Variants in JAZF1 observed in about 807,000 individuals in gnomAD.
The protein encoded by JAZF1 is JAZF zinc finger 1.
Under a neutral mutation model 26.4 loss-of-function variants are expected in JAZF1, and 8 were observed. The ratio of observed to expected loss-of-function variants is 0.30; its 90% CI spans 0.18 to 0.55. The LOEUF is 0.55. JAZF1 is among the 20% of genes least tolerant of loss of function. JAZF1 has a pLI of 0.94. For missense variants in JAZF1, 199 were observed against 322.0 expected, an observed-to-expected ratio of 0.62 and a Z score of 2.92; for synonymous variants, 126 against 122.3, an observed-to-expected ratio of 1.03 and a Z score of -0.20.
chr7:28,153,614 T>C (rs982204777), intron 1 of JAZF1, among the ~76,000 whole-genome samples: 2 of 152,246 alleles, frequency 1.3e-5, no homozygotes, highest in African/African-American at 2.4e-5. Flanking sequence ...AACAAACCTA[T>C]TCCCTCTTTC....
chr7:28,004,533 G>T (rs1238728750), intron 1 of JAZF1, among the ~76,000 whole-genome samples: 5 of 152,158 alleles, frequency 3.3e-5, no homozygotes, highest in Non-Finnish European at 5.9e-5. Flanking sequence ...GGTTGGGAAA[G>T]TTATTTACAC....
In JAZF1 at chr7:28,134,705, A is replaced by G. The variant is rs540271363; in HGVS notation, c.115+45758T>C. Among the ~76,000 whole-genome samples the G allele has an allele frequency of 4.6e-4, 70 of 152,246 alleles. No individual in the cohort carries two copies. The South Asian group carries it at 5.2e-3, about 11-fold the overall frequency. Reference sequence around the variant, plus strand: ...CAGGCCATCAATTAGAACCCAGTCTAAGTGATATATTTATTTTTTTTTACA... The same window carrying G: ...CAGGCCATCAATTAGAACCCAGTCTGAGTGATATATTTATTTTTTTTTACA... On this transcript the variant is annotated intron_variant, in intron 1 of 4. Coordinates refer to ENST00000283928, the MANE Select transcript of JAZF1 (RefSeq NM_175061.4).
At chr7:27,978,914 G>A (rs1785523629) in intron 2 of JAZF1, among the ~76,000 whole-genome samples, 1 of 151,580 alleles carries the variant, frequency 6.6e-6, no homozygotes, top group Admixed American at 6.6e-5. Flanking sequence ...AGAAAGGCAG[G>A]GGAGAGGGGG....
chr7:28,072,608 A>C (rs1244793291), intron 1 of JAZF1, among the ~76,000 whole-genome samples: 1 of 152,252 alleles, frequency 6.6e-6, no homozygotes, highest in Non-Finnish European at 1.5e-5. Context: ...AAATTAGAAA[A>C]GATAAACTAA....
chr7:28,057,566 CA>C (rs1199023445), intron 1 of JAZF1, among the ~76,000 whole-genome samples: 1 of 152,154 alleles, frequency 6.6e-6, no homozygotes, highest in African/African-American at 2.4e-5. Flanking sequence ...ATTTTTCAAA[CA>C]TACACGAAAG....
At chr7:27,987,463 C>A (rs995033613) in intron 2 of JAZF1, among the ~76,000 whole-genome samples, 1 of 152,110 alleles carries the variant, frequency 6.6e-6, no homozygotes, top group Non-Finnish European at 1.5e-5. Flanking sequence ...GCCTGGCAGC[C>A]GCCCCGTCCA....
At chr7:28,168,270 T>C (rs1783398798) in intron 1 of JAZF1, among the ~76,000 whole-genome samples, 2 of 150,902 alleles carry the variant, frequency 1.3e-5, no homozygotes, top group African/African-American at 4.9e-5. Flanking sequence ...TAGTCCCAGC[T>C]ACTCGGGAGG....
At chr7:28,133,365 A>C (rs1782830176) in intron 1 of JAZF1, among the ~76,000 whole-genome samples, 1 of 152,256 alleles carries the variant, frequency 6.6e-6, no homozygotes, top group Non-Finnish European at 1.5e-5. Flanking sequence ...AAGGAGTATC[A>C]CAACAGGGAA....
chr7:27,947,078 G>A (rs1187292491), intron 2 of JAZF1, among the ~76,000 whole-genome samples: 1 of 152,146 alleles, frequency 6.6e-6, no homozygotes, highest in Non-Finnish European at 1.5e-5. Context: ...GAATCACAAA[G>A]CAATTTGTTT....
intron 3 of JAZF1, among the ~76,000 whole-genome samples, chr7:27,875,269 G>A (rs1410326283): frequency 2.0e-5 from 3 of 152,010 alleles, no homozygotes; most frequent in South Asian, 2.1e-4. Context: ...GAGTTCATCC[G>A]CACTTCCCTG....
chr7:27,976,070 C>G (rs981026272), intron 2 of JAZF1, among the ~76,000 whole-genome samples: 1 of 152,126 alleles, frequency 6.6e-6, no homozygotes, highest in African/African-American at 2.4e-5. Context: ...CTGGGCTAGT[C>G]GCGATGGCTC....
chr7:27,832,636 A>T lies in JAZF1; in HGVS notation c.*164T>A, dbSNP rs952650860. On this transcript the variant is annotated 3_prime_UTR_variant, in exon 5 of 5. Coordinates refer to ENST00000283928, the MANE Select transcript of JAZF1 (RefSeq NM_175061.4). ...CATGTGCAAATGTACAAAATCATTA[A>T]CTCTACAAAGATACATCATTCCAAA... 1.8e-5 allele frequency: 9 copies of T among 498,594 alleles called. No homozygotes were observed. Among genetic ancestry groups the T allele is most frequent in the African/African-American group, 5.8e-5 (3 of 51,646 alleles). 30.9% of individuals were successfully genotyped at this position (498,594 alleles called of 1,614,324 possible).
intron 1 of JAZF1, among the ~76,000 whole-genome samples, chr7:28,110,502 GGAAAAGGAAAGGAAAAGGAAAAGGA>G (rs1784632358): frequency 1.4e-5 from 1 of 73,580 alleles, no homozygotes; most frequent in Non-Finnish European, 2.3e-5. Context: ...GGAAAGGAAA[GGAAAAGGAAAGGAAAAGGAAAAGGA>G]AAAGGAAAGG....
chr7:27,890,579 T>C (rs1031788724), intron 3 of JAZF1, among the ~76,000 whole-genome samples: 1 of 152,188 alleles, frequency 6.6e-6, no homozygotes, highest in Non-Finnish European at 1.5e-5. Flanking sequence ...AGCTTATTCT[T>C]TGAATAGACA....
At chr7:27,958,367 A>AT (rs1410699361) in intron 2 of JAZF1, among the ~76,000 whole-genome samples, 1 of 152,196 alleles carries the variant, frequency 6.6e-6, no homozygotes. Context: ...GAGAGAAACC[A>AT]TTTTTTAGCT....
intron 1 of JAZF1, among the ~76,000 whole-genome samples, chr7:28,070,808 C>T (rs1476405483): frequency 2.0e-5 from 3 of 152,206 alleles, no homozygotes; most frequent in South Asian, 2.1e-4. Flanking sequence ...CACAAGTACT[C>T]GGGCTTATTT....
chr7:28,149,078 C>T (rs868052329), intron 1 of JAZF1, among the ~76,000 whole-genome samples: 1 of 152,192 alleles, frequency 6.6e-6, no homozygotes, highest in African/African-American at 2.4e-5. Context: ...CCTGGCATTA[C>T]GTGCTGTCCC....
At chr7:28,031,030 C>A (rs1395210851) in intron 1 of JAZF1, among the ~76,000 whole-genome samples, 3 of 152,198 alleles carry the variant, frequency 2.0e-5, no homozygotes, top group African/African-American at 4.8e-5. Context: ...TACCTAACTA[C>A]CTATTCTTGG....
chr7:28,050,379 TG>T lies in JAZF1; in HGVS notation c.116-58399del, dbSNP rs1562570371. On this transcript the variant is annotated intron_variant, in intron 1 of 4. Transcript: ENST00000283928. Reference sequence around the variant, plus strand: ...CTGCTGATGGGCACAGAGTTTCTTTTGGGGGTGATGAAAATGTCCTGATTTT... The same window carrying T: ...CTGCTGATGGGCACAGAGTTTCTTTTGGGGTGATGAAAATGTCCTGATTTT... Among the ~76,000 whole-genome samples the T allele has an allele frequency of 2.6e-5, 4 of 152,266 alleles. No individual in the cohort carries two copies. In the South Asian group the frequency reaches 6.2e-4, roughly 24 times the overall value.
Sources: allele counts gnomAD v4.1 joint callset (sites outside exome capture counted in the v4.1 genomes callset), GRCh38; gene constraint gnomAD v4.1.1; transcripts MANE v1.5; gene names NCBI Gene and HGNC (gene_info 2026-07-23, HGNC 2026-07-21).